Variants in FURIN observed in about 807,000 individuals in gnomAD.
The protein encoded by FURIN is furin, paired basic amino acid cleaving enzyme, also known as FES upstream region.
Under a neutral mutation model 89.2 loss-of-function variants are expected in FURIN, and 18 were observed. That is an observed-to-expected ratio of 0.20 (90% CI 0.14 to 0.30). The LOEUF (loss-of-function observed/expected upper bound fraction) is 0.30, where lower values mean the gene tolerates loss of function less well. Ranked by LOEUF, FURIN falls within the 10% of genes least tolerant of loss-of-function variation. The pLI is 1.00. For missense variants in FURIN, 879 were observed against 1,100.5 expected, an observed-to-expected ratio of 0.80 and a Z score of 2.85; for synonymous variants, 508 against 466.4, an observed-to-expected ratio of 1.09 and a Z score of -1.15.
At chr15:90,878,415 G>C in intron 8 of FURIN, 111 bp downstream of exon 8, 1 of 936,588 alleles carries the variant, frequency 1.1e-6, no homozygotes, top group Non-Finnish European at 1.6e-6. Context: ...TTTACACAAA[G>C]CATGTTTATT....
Position 90,881,430 on chromosome 15 carries a change from C to G in FURIN, c.1937C>G (p.Ala646Gly), listed in dbSNP as rs1233840149. 1 of 1,612,732 alleles carries G rather than the reference C, an allele frequency of 6.2e-7. No homozygotes were observed. Among genetic ancestry groups the G allele is most frequent in the South Asian group, 1.1e-5 (1 of 91,082 alleles). ...IRASVCAPCH[A>G]SCATCQGPAL... ...GCCAGCGTCTGCGCCCCCTGCCACG[C>G]CTCATGTGCCACATGCCAGGGGCCG... The change falls in exon 16 of 16, where the codon GCC (alanine) becomes GGC (glycine). Residue 646 changes from alanine (A) to glycine (G), a missense_variant. Coordinates refer to ENST00000268171, the MANE Select transcript of FURIN (RefSeq NM_002569.4). This position sits in a 1 kb window ranked among gnomAD's most constrained non-coding sequence, Gnocchi z 4.3.
rs192594882 is a variant in FURIN, at chr15:90,868,661, A to C, written c.-210A>C. 1.3e-5 allele frequency: 2 copies of C among 151,988 alleles called. No homozygotes were observed. Among genetic ancestry groups the C allele is most frequent in the East Asian group, 3.9e-4 (2 of 5,190 alleles). The allele number at this position is 151,988 out of a possible 1,614,324, so 9.4% of individuals were successfully genotyped here. ...GTTGCAGCTGCAGTGAGTGGCGGGG[A>C]AGCAGCAGCGGCCAGGATGAATCCC... On this transcript the variant is annotated 5_prime_UTR_variant, in exon 1 of 16. Transcript: ENST00000268171.
Position 90,883,210 on chromosome 15 carries a change from C to T in FURIN, c.*1332C>T, listed in dbSNP as rs892074748. On this transcript the variant is annotated 3_prime_UTR_variant, in exon 16 of 16. Transcript: ENST00000268171. ...ATTAGGACAATCAGTCCCCTCCCAT[C>T]TGGGAGTCCCCTTTTCTTTTCTACC... 1.4e-4 allele frequency: 21 copies of T among 152,798 alleles called. No individual in the cohort carries two copies. Among genetic ancestry groups the T allele is most frequent in the African/African-American group, 4.8e-4 (20 of 41,464 alleles). 9.5% of individuals were successfully genotyped at this position (152,798 alleles called of 1,614,324 possible).
chr15:90,880,998 A>G lies in FURIN; in HGVS notation c.1750A>G (p.Ser584Gly). 6.2e-7 allele frequency: 1 copy of G among 1,614,036 alleles called. No individual in the cohort carries two copies. The highest frequency in any genetic ancestry group is 8.5e-7 in the Non-Finnish European group (1 of 1,179,938). Reference sequence around the variant, plus strand: ...TGAGGGGCTGCCCGTACCTCCAGAAAGCAGTGGCTGCAAGACCCTCACGTC... The same window carrying G: ...TGAGGGGCTGCCCGTACCTCCAGAAGGCAGTGGCTGCAAGACCCTCACGTC... Reference protein sequence around the residue: ...APEGLPVPPESSGCKTLTSSQ... With the variant: ...APEGLPVPPEGSGCKTLTSSQ... The change falls in exon 15 of 16, where the codon AGC becomes GGC. Residue 584 changes from serine to glycine, a missense_variant. By Grantham distance (56) the Ser-to-Gly change is moderately conservative. Transcript: ENST00000268171.
In FURIN at chr15:90,878,274, C is replaced by G; in HGVS notation, c.810C>G (p.Ala270=). ...CAGTGGATGGGCCAGCCCGCCTCGC[C>G]GAGGAGGCCTTCTTCCGTGGGGTTA... ...GKTVDGPARL[A]EEAFFRGVSQ... The change falls in exon 8 of 16, where the codon GCC becomes GCG. Residue 270 remains alanine, a synonymous_variant. Coordinates refer to ENST00000268171, the MANE Select transcript of FURIN (RefSeq NM_002569.4). 9 of 1,605,708 alleles carry G rather than the reference C, an allele frequency of 5.6e-6. No homozygotes were observed. Among genetic ancestry groups the G allele is most frequent in the Non-Finnish European group, 6.8e-6 (8 of 1,174,800 alleles).
chr15:90,870,490 C>G (rs1289032318), intron 1 of FURIN, among the ~76,000 whole-genome samples: 1 of 151,894 alleles, frequency 6.6e-6, no homozygotes, highest in Admixed American at 6.6e-5. Flanking sequence ...TTCCCATTAC[C>G]CGGGAACCTG....
At chr15:90,880,033 G>T in intron 12 of FURIN, 49 bp downstream of exon 12, 2 of 1,602,546 alleles carry the variant, frequency 1.2e-6, no homozygotes, top group Non-Finnish European at 1.7e-6. Context: ...CCTGAGAGTC[G>T]CAGGGGGTGC....
Position 90,879,877 on chromosome 15 carries a change from A to C in FURIN, c.1269A>C (p.Ser423=). Residue 423 remains serine, a synonymous_variant, in exon 12 of 16, where the codon TCA becomes TCC. Transcript: ENST00000268171. The part of the protein sequence containing the change: ...TNGVGRKVSH[S]YGYGLLDAGA... ...TCCCTGTCCCCACAGTGAGCCACTC[A>C]TATGGCTACGGGCTTTTGGACGCAG... 1 of 1,612,728 alleles carries C rather than the reference A, an allele frequency of 6.2e-7. No individual in the cohort carries two copies. The highest frequency in any genetic ancestry group is 8.5e-7 in the Non-Finnish European group (1 of 1,179,158).
rs540494055 is a variant in FURIN, at chr15:90,883,042, C to T, written c.*1164C>T. ...AGTGGGGCTCGCCATGCCGGGGGTT[C>T]ATAGGTCACTGGCTCTCCAAGTGCC... On this transcript the variant is annotated 3_prime_UTR_variant, in exon 16 of 16. Coordinates refer to ENST00000268171, the MANE Select transcript of FURIN (RefSeq NM_002569.4). 1 of 152,736 alleles carries T rather than the reference C, an allele frequency of 6.5e-6. No individual in the cohort carries two copies. The highest frequency in any genetic ancestry group is 2.4e-5 in the African/African-American group (1 of 41,564). The allele number at this position is 152,736 out of a possible 1,614,324, so 9.5% of individuals were successfully genotyped here. A position where few individuals can be genotyped will look rare whatever the true frequency, so the allele number is the denominator to read the frequency against.
intron 10 of FURIN, 43 bp downstream of exon 10, chr15:90,879,587 C>G (rs1407573478): frequency 6.5e-7 from 1 of 1,549,030 alleles, no homozygotes; most frequent in Non-Finnish European, 8.9e-7. Context: ...CCTACCAGCA[C>G]TCTCTGTAGG....
chr15:90,880,287 C>A lies in FURIN; in HGVS notation c.1556+14C>A. On this transcript the variant is annotated intron_variant, in intron 13 of 15. Coordinates refer to ENST00000268171, the MANE Select transcript of FURIN (RefSeq NM_002569.4). ...GCTGGCAGCCAGGTGCTTGCTCTGT[C>A]CCTGCCCGCCCTGCCCAGCGCCGCC... The A allele has an allele frequency of 6.3e-7, 1 of 1,577,828 alleles. No individual in the cohort carries two copies.
chr15:90,875,730 C>T lies in FURIN; in HGVS notation c.-11C>T, dbSNP rs761897547. ...ACGGGCGCTCCAGGGTCCCAGCCACCTGTCCCCCCCATGGAGCTGAGGCCC... is the reference window on the plus strand; with the variant it reads ...ACGGGCGCTCCAGGGTCCCAGCCACTTGTCCCCCCCATGGAGCTGAGGCCC... On this transcript the variant is annotated 5_prime_UTR_variant, in exon 2 of 16. Coordinates refer to ENST00000268171, the MANE Select transcript of FURIN (RefSeq NM_002569.4). 8 of 1,529,350 alleles carry T rather than the reference C, an allele frequency of 5.2e-6. 1 individual carries two copies. In the South Asian group the frequency reaches 9.9e-5, roughly 19 times the overall value. The allele number at this position is 1,529,350 out of a possible 1,614,324, so 94.7% of individuals were successfully genotyped here. A position where few individuals can be genotyped will look rare whatever the true frequency, so the allele number is the denominator to read the frequency against.
At chr15:90,878,030 A>G in intron 7 of FURIN, 102 bp from the exon 8 acceptor site, 1 of 1,104,920 alleles carries the variant, frequency 9.1e-7, no homozygotes, top group Non-Finnish European at 1.3e-6. Context: ...CCCTTCCCTT[A>G]CTCATCCCCT....
rs199652570 is a variant in FURIN at position 90,879,702 on chromosome 15, C to G, written c.1186C>G (p.Leu396Val). The change falls in exon 11 of 16, where the codon CTG becomes GTG. Residue 396 changes from leucine (L) to valine (V), a missense_variant. By Grantham distance (32) the Leu-to-Val change is conservative. Coordinates refer to ENST00000268171, the MANE Select transcript of FURIN (RefSeq NM_002569.4). ...CCTCACATGGCGGGACATGCAACAC[C>G]TGGTGGTACAGACCTCGAAGCCAGC... is the stretch of plus-strand genomic sequence containing the variant. ...KNLTWRDMQH[L>V]VVQTSKPAHL... is the part of the protein sequence containing the mutation. The G allele has an allele frequency of 1.2e-6, 2 of 1,613,720 alleles. No individual in the cohort carries two copies. The highest frequency in any genetic ancestry group is 2.7e-5 in the African/African-American group (2 of 75,066).
Position 90,880,185 on chromosome 15 carries a change from C to T in FURIN, c.1468C>T (p.Arg490Trp), listed in dbSNP as rs773606627. 8.7e-6 allele frequency: 14 copies of T among 1,612,508 alleles called. No homozygotes were observed. The highest frequency in any genetic ancestry group is 3.3e-5 in the South Asian group (3 of 91,042). Residue 490 changes from arginine (R) to tryptophan (W), a missense_variant, in exon 13 of 16, where the codon CGG (arginine) becomes TGG (tryptophan). This residue lies in a region of FURIN where 457 missense variants were observed against 490.7 expected (regional missense o/e 0.93). Coordinates refer to ENST00000268171, the MANE Select transcript of FURIN (RefSeq NM_002569.4). Reference protein sequence around the residue: ...HITRLEHAQARLTLSYNRRGD... With the variant: ...HITRLEHAQAWLTLSYNRRGD... Reference sequence around the variant, plus strand: ...CACTCGGCTGGAGCACGCTCAGGCGCGGCTCACCCTGTCCTATAATCGCCG... The same window carrying T: ...CACTCGGCTGGAGCACGCTCAGGCGTGGCTCACCCTGTCCTATAATCGCCG...
In FURIN at chr15:90,882,126, G is replaced by T; in HGVS notation, c.*248G>T. 2 of 498,620 alleles carry T rather than the reference G, an allele frequency of 4.0e-6. No individual in the cohort carries two copies. Among genetic ancestry groups the T allele is most frequent in the East Asian group, 7.5e-5 (2 of 26,800 alleles). 30.9% of individuals were successfully genotyped at this position (498,620 alleles called of 1,614,324 possible). A position where few individuals can be genotyped will look rare whatever the true frequency, so the allele number is the denominator to read the frequency against. ...TGTGGAGAAAGGAGTGAAACCTTTA[G>T]GGCAGCTTGCCCCGGCCCCGGCCCC... On this transcript the variant is annotated 3_prime_UTR_variant, in exon 16 of 16. Coordinates refer to ENST00000268171, the MANE Select transcript of FURIN (RefSeq NM_002569.4).
rs2032020446 is a variant in FURIN, at chr15:90,882,185, C to A, written c.*307C>A. 1 of 371,662 alleles carries A rather than the reference C, an allele frequency of 2.7e-6. No homozygotes were observed. Among genetic ancestry groups the A allele is most frequent in the Non-Finnish European group, 4.9e-6 (1 of 203,230 alleles). The allele number at this position is 371,662 out of a possible 1,614,324, so 23.0% of individuals were successfully genotyped here. ...TTCCTGCGGAGTGAAGAGGGGCAGC[C>A]CTTGCTTGTTGGGATTCCTGACCCA... is the stretch of plus-strand genomic sequence containing the variant. On this transcript the variant is annotated 3_prime_UTR_variant, in exon 16 of 16. Transcript: ENST00000268171.
Position 90,882,284 on chromosome 15 carries a change from G to A in FURIN, c.*406G>A. 1 of 202,136 alleles carries A rather than the reference G, an allele frequency of 4.9e-6. No individual in the cohort carries two copies. Among genetic ancestry groups the A allele is most frequent in the South Asian group, 7.6e-5 (1 of 13,178 alleles). The allele number at this position is 202,136 out of a possible 1,614,324, so 12.5% of individuals were successfully genotyped here. A position where few individuals can be genotyped will look rare whatever the true frequency, so the allele number is the denominator to read the frequency against. ...ATCCAGGCAGTCGGGGGCTGGCCTA[G>A]GAGATATCTGAGGGAGGAGGCCACC... On this transcript the variant is annotated 3_prime_UTR_variant, in exon 16 of 16. Transcript: ENST00000268171.
rs751590173 is a variant in FURIN, at chr15:90,876,561, C to G, written c.372+4C>G. 1.9e-6 allele frequency: 3 copies of G among 1,594,836 alleles called. No homozygotes were observed. The Admixed American group carries it at 5.0e-5, about 27-fold the overall frequency. On this transcript the variant is annotated splice_donor_region_variant and intron_variant, in intron 4 of 15. Transcript: ENST00000268171. The surrounding 1 kb of genome is among the most constrained non-coding windows in gnomAD (Gnocchi z 5.0). ...GTTTCCTCAGCAGTGGTACCTGGTA[C>G]GTGGCCTTCTTCGCTGCTGGGACCT...
Sources: allele counts gnomAD v4.1 joint callset (sites outside exome capture counted in the v4.1 genomes callset), GRCh38; gene constraint gnomAD v4.1.1; regional missense constraint gnomAD v4.1.1; non-coding constraint Gnocchi (gnomAD v3.1); transcripts MANE v1.5; gene names NCBI Gene and HGNC (gene_info 2026-07-23, HGNC 2026-07-21).